The following LRRFIP1 variants were observed in gnomAD, a reference collection of about 807,000 sequenced individuals.
The protein encoded by LRRFIP1 is LRR binding FLII interacting protein 1, also known as leucine-rich repeat flightless-interacting protein 1.
In LRRFIP1, 62 loss-of-function variants were observed where a neutral mutation model predicts 104.4. The observed-to-expected ratio is 0.59, with a 90% CI of 0.48 to 0.73. The LOEUF (loss-of-function observed/expected upper bound fraction) is 0.73. Ranked by LOEUF, LRRFIP1 falls within the 30% of genes least tolerant of loss-of-function variation. The probability of loss-of-function intolerance (pLI) is 0.00; values close to 1 mark genes in which losing one functional copy is unlikely to be tolerated. For missense variants in LRRFIP1, 796 were observed against 824.5 expected (o/e 0.97, Z 0.42); for synonymous variants, 300 against 299.0 (o/e 1.00, Z -0.03).
chr2:237,627,615 G>GC lies in LRRFIP1; in HGVS notation c.-26dup. On this transcript the variant is annotated 5_prime_UTR_variant, in exon 1 of 24. Coordinates refer to ENST00000308482, the MANE Select transcript of LRRFIP1 (RefSeq NM_001137550.2). The stretch of plus-strand genomic sequence containing the variant: ...GCGGCGCGAGCGGCTGGAGCAACGG[G>GC]CCCCGCGGCAGCTGCGGGCGACGCG... 8.0e-7 allele frequency: 1 copy of GC among 1,246,126 alleles called. No homozygotes were observed. Among genetic ancestry groups the GC allele is most frequent in the Non-Finnish European group, 1.0e-6 (1 of 978,232 alleles). The allele number at this position is 1,246,126 out of a possible 1,614,324, so 77.2% of individuals were successfully genotyped here.
intron 10 of LRRFIP1, among the ~76,000 whole-genome samples, chr2:237,738,943 T>C (rs2095333683): frequency 6.6e-6 from 1 of 152,254 alleles, no homozygotes; most frequent in Admixed American, 6.5e-5. Flanking sequence ...GTGTCTACAC[T>C]AGGTGTGACT....
chr2:237,758,146 G>A lies in LRRFIP1; in HGVS notation c.1225-583G>A, dbSNP rs116223466. Among the ~76,000 whole-genome samples the A allele has an allele frequency of 4.4e-3, 666 of 151,128 alleles. 1 individual carries two copies. Among genetic ancestry groups the A allele is most frequent in the Non-Finnish European group, 7.7e-3 (523 of 67,888 alleles). ...TACACATAGCTCTAATAAAGACGTCGAGATACCTGCACAAACCATCGGCAC... is the reference window on the plus strand; with the variant it reads ...TACACATAGCTCTAATAAAGACGTCAAGATACCTGCACAAACCATCGGCAC... On this transcript the variant is annotated intron_variant, in intron 17 of 23. Transcript: ENST00000308482.
At chr2:237,677,910 T>C (rs1007885792) in intron 1 of LRRFIP1, among the ~76,000 whole-genome samples, 1 of 152,190 alleles carries the variant, frequency 6.6e-6, no homozygotes, top group African/African-American at 2.4e-5. Flanking sequence ...GGCATATATT[T>C]TAAATAATCG....
intron 18 of LRRFIP1, 88 bp from the exon 19 acceptor site, chr2:237,759,976 A>G: frequency 7.9e-7 from 1 of 1,270,614 alleles, no homozygotes; most frequent in Non-Finnish European, 1.1e-6. Context: ...TCAGGAAAAA[A>G]TGGTTTTCTT....
At chr2:237,714,125 T>G in intron 2 of LRRFIP1, 134 bp from the exon 3 acceptor site, 1 of 577,454 alleles carries the variant, frequency 1.7e-6, no homozygotes. Context: ...CCTCACCTGT[T>G]TTCTTATTCA....
At chr2:237,762,560 G>A (rs369977638) in intron 19 of LRRFIP1, 100 of 1,472,900 alleles carry the variant, frequency 6.8e-5, no homozygotes, top group Middle Eastern at 1.8e-4. Flanking sequence ...TTATGTGGCC[G>A]CCACATCATG....
At chr2:237,745,688 C>T (rs1249140769) in intron 11 of LRRFIP1, among the ~76,000 whole-genome samples, 5 of 152,142 alleles carry the variant, frequency 3.3e-5, no homozygotes, top group Admixed American at 3.3e-4. Flanking sequence ...TGGGTGGGCC[C>T]TTCTTTTACG....
At chr2:237,763,856 C>A (rs2060095606) in intron 19 of LRRFIP1, 1 of 1,614,072 alleles carries the variant, frequency 6.2e-7, no homozygotes, top group African/African-American at 1.3e-5. Flanking sequence ...TCAAAGCAGT[C>A]CTGCAGAACC....
chr2:237,671,439 T>C (rs1220308067), intron 1 of LRRFIP1, among the ~76,000 whole-genome samples: 1 of 152,236 alleles, frequency 6.6e-6, no homozygotes. Context: ...TACTGGCTTA[T>C]AGGTTGGGTA....
At chr2:237,668,956 T>A (rs1559506640) in intron 1 of LRRFIP1, among the ~76,000 whole-genome samples, 1 of 152,242 alleles carries the variant, frequency 6.6e-6, no homozygotes, top group African/African-American at 2.4e-5. Flanking sequence ...GACTTTTTTT[T>A]AACATAGTCT....
intron 1 of LRRFIP1, among the ~76,000 whole-genome samples, chr2:237,665,012 T>C (rs2149491337): frequency 6.6e-6 from 1 of 152,390 alleles, no homozygotes; most frequent in Admixed American, 6.5e-5. Context: ...ACCATTGCAC[T>C]GTGCTGACTC....
At chr2:237,759,020 CT>C (rs2059590059) in intron 18 of LRRFIP1, among the ~76,000 whole-genome samples, 199 bp downstream of exon 18, 1 of 152,068 alleles carries the variant, frequency 6.6e-6, no homozygotes, top group South Asian at 2.1e-4. Context: ...TGCCCAAGGC[CT>C]TTTGATGTTA....
chr2:237,739,108 C>G (rs1199977411), intron 10 of LRRFIP1, 124 bp from the exon 11 acceptor site: 1 of 723,636 alleles, frequency 1.4e-6, no homozygotes, highest in Non-Finnish European at 2.3e-6. Flanking sequence ...TTTTCCTTGC[C>G]GTGCGTGGCT....
chr2:237,657,087 G>A lies in LRRFIP1; in HGVS notation c.96+29347G>A, dbSNP rs115449361. Among the ~76,000 whole-genome samples, 1,261 of 152,256 alleles carry A rather than the reference G, an allele frequency of 8.3e-3. 13 individuals carry two copies. The highest frequency in any genetic ancestry group is 0.028 in the African/African-American group (1,177 of 41,540). ...GTGGGAAAAGGCTGGCGGTGGTAGG[G>A]GGCATCCTTGCACCATTTTGGTTTC... On this transcript the variant is annotated intron_variant, in intron 1 of 23. Coordinates refer to ENST00000308482, the MANE Select transcript of LRRFIP1 (RefSeq NM_001137550.2).
chr2:237,695,123 T>G (rs1029301041), intron 1 of LRRFIP1, among the ~76,000 whole-genome samples: 2 of 152,212 alleles, frequency 1.3e-5, no homozygotes, highest in African/African-American at 4.8e-5. Context: ...GTTTTAGGCA[T>G]GTCATTTCCC....
At chr2:237,650,227 G>A (rs1289560327) in intron 1 of LRRFIP1, among the ~76,000 whole-genome samples, 1 of 151,982 alleles carries the variant, frequency 6.6e-6, no homozygotes, top group Non-Finnish European at 1.5e-5. Context: ...GGGAAAGACA[G>A]CAGGTGCAAC....
chr2:237,733,656 A>T, intron 8 of LRRFIP1, 118 bp from the exon 9 acceptor site: 1 of 963,948 alleles, frequency 1.0e-6, no homozygotes, highest in Non-Finnish European at 1.6e-6. Context: ...GTTTCTGTTT[A>T]ACCACTGTAC....
chr2:237,650,393 G>A (rs931888634), intron 1 of LRRFIP1, among the ~76,000 whole-genome samples: 2 of 151,970 alleles, frequency 1.3e-5, no homozygotes, highest in African/African-American at 2.4e-5. Flanking sequence ...GTAAGACTTG[G>A]ATTTTCCCCC....
At chr2:237,764,012 A>C in intron 19 of LRRFIP1, 1 of 1,614,232 alleles carries the variant, frequency 6.2e-7, no homozygotes, top group Non-Finnish European at 8.5e-7. Context: ...TTTAGACAGC[A>C]ATAGCCTAGA....
Sources: gnomAD v4.1 joint callset for allele counts (sites outside exome capture counted in the v4.1 genomes callset) on GRCh38, gnomAD v4.1.1 for gene constraint, MANE v1.5 for transcripts, NCBI Gene and HGNC (gene_info 2026-07-23, HGNC 2026-07-21) for gene names.